The following TSPAN5 variants were observed in gnomAD, a reference collection of about 807,000 sequenced individuals.
TSPAN5 encodes the protein tetraspanin-5.
In TSPAN5, 10 loss-of-function variants were observed where a neutral mutation model predicts 37.1. The ratio of observed to expected loss-of-function variants is 0.27; its 90% CI spans 0.17 to 0.46. The LOEUF (loss-of-function observed/expected upper bound fraction) is 0.46. TSPAN5 is among the 20% of genes least tolerant of loss of function. The probability of loss-of-function intolerance (pLI) is 1.00; values close to 1 mark genes in which losing one functional copy is unlikely to be tolerated. For missense variants in TSPAN5, 195 were observed against 326.6 expected, an observed-to-expected ratio of 0.60 and a Z score of 3.11; for synonymous variants, 110 against 118.9, an observed-to-expected ratio of 0.93 and a Z score of 0.48.
At chr4:98,653,703 T>C (rs1208422381) in intron 1 of TSPAN5, among the ~76,000 whole-genome samples, 1 of 152,228 alleles carries the variant, frequency 6.6e-6, no homozygotes, top group East Asian at 1.9e-4. Context: ...ATTTGTTAAA[T>C]ATTGAGATAT....
intron 1 of TSPAN5, among the ~76,000 whole-genome samples, chr4:98,626,477 G>A (rs1756605303): frequency 6.6e-6 from 1 of 152,024 alleles, no homozygotes; most frequent in Admixed American, 6.6e-5. Context: ...CTCCCTCAGT[G>A]GCAACAAGCC....
At chr4:98,608,845 G>A (rs546343592) in intron 1 of TSPAN5, among the ~76,000 whole-genome samples, 42 of 151,996 alleles carry the variant, frequency 2.8e-4, no homozygotes, top group African/African-American at 4.3e-4. Flanking sequence ...CCTTATACTC[G>A]CCCTCAGAGA....
At chr4:98,494,951 G>A (rs923307954) in intron 2 of TSPAN5, among the ~76,000 whole-genome samples, 3 of 152,206 alleles carry the variant, frequency 2.0e-5, no homozygotes, top group African/African-American at 7.2e-5. Context: ...CCAGGAGTAG[G>A]CAGAAGCCAT....
chr4:98,578,763 T>C (rs980206080), intron 1 of TSPAN5, among the ~76,000 whole-genome samples: 46 of 152,140 alleles, frequency 3.0e-4, no homozygotes, highest in Admixed American at 8.5e-4. Context: ...AAATTGTCTT[T>C]GGCACTATTC....
At chr4:98,503,862 T>C (rs1753413217) in intron 2 of TSPAN5, among the ~76,000 whole-genome samples, 1 of 152,280 alleles carries the variant, frequency 6.6e-6, no homozygotes, top group African/African-American at 2.4e-5. Context: ...TCAAGGGTGT[T>C]GTGGAGGTGA....
intron 7 of TSPAN5, among the ~76,000 whole-genome samples, chr4:98,473,948 T>C (rs1277946523): frequency 6.6e-6 from 1 of 152,178 alleles, no homozygotes; most frequent in African/African-American, 2.4e-5. Context: ...TTGTTTGTCT[T>C]TTTATTGTTG....
chr4:98,581,541 G>T (rs906810352), intron 1 of TSPAN5, among the ~76,000 whole-genome samples: 1 of 152,062 alleles, frequency 6.6e-6, no homozygotes, highest in Non-Finnish European at 1.5e-5. Context: ...CCTCTGCAGG[G>T]TATTAATTAC....
intron 1 of TSPAN5, among the ~76,000 whole-genome samples, chr4:98,605,759 T>C (rs1756019758): frequency 6.6e-6 from 1 of 152,216 alleles, no homozygotes; most frequent in South Asian, 2.1e-4. Context: ...CATGTGGCTA[T>C]TTAAAATTCA....
At chr4:98,548,989 T>C (rs1365942189) in intron 1 of TSPAN5, among the ~76,000 whole-genome samples, 2 of 152,092 alleles carry the variant, frequency 1.3e-5, no homozygotes, top group Non-Finnish European at 2.9e-5. Context: ...ATCTTTGCTA[T>C]TGTGAACAGC....
intron 1 of TSPAN5, among the ~76,000 whole-genome samples, chr4:98,618,570 ACCT>A (rs5860544): frequency 0.53 from 80,859 of 151,542 alleles, 22,695 homozygotes; most frequent in African/African-American, 0.7. Context: ...CTCTGTTATT[ACCT>A]CCTCCTTTTT....
intron 1 of TSPAN5, among the ~76,000 whole-genome samples, chr4:98,598,050 G>T (rs1215742139): frequency 4.8e-5 from 4 of 84,182 alleles, no homozygotes; most frequent in Non-Finnish European, 6.2e-5. Flanking sequence ...TTGCCGCCTT[G>T]CAGTTTGATC....
At chr4:98,631,656 G>A (rs563593942) in intron 1 of TSPAN5, among the ~76,000 whole-genome samples, 33 of 152,248 alleles carry the variant, frequency 2.2e-4, no homozygotes, top group Middle Eastern at 3.4e-3. Flanking sequence ...TCTGTTTTAA[G>A]ACCTCAGGCT....
rs1483623356 is a variant in TSPAN5 at position 98,594,267 on chromosome 4, T to C, written c.81+63879A>G. 6.4e-5 allele frequency among the ~76,000 whole-genome samples: 8 copies of C among 125,766 alleles called. 1 individual carries two copies. Among genetic ancestry groups the C allele is most frequent in the Admixed American group, 1.6e-4 (2 of 12,716 alleles). The allele number at this position is 125,766 out of a possible 152,430, so 82.5% of individuals were successfully genotyped here. A position where few individuals can be genotyped will look rare whatever the true frequency, so the allele number is the denominator to read the frequency against. On this transcript the variant is annotated intron_variant, in intron 1 of 7. Transcript: ENST00000305798. ...TCTGTTGTTGGTGTATAAGAATGCT[T>C]GTGATTTTTGTACATTGATTTTGTA...
chr4:98,554,337 A>T (rs1334085651), intron 1 of TSPAN5, among the ~76,000 whole-genome samples: 2 of 152,228 alleles, frequency 1.3e-5, no homozygotes, highest in Admixed American at 6.5e-5. Flanking sequence ...TGAAAACATG[A>T]ACCTACTGAT....
rs369935390 is a variant in TSPAN5, at chr4:98,556,041, C to CCA, written c.82-48315_82-48314dup. 1.3e-3 allele frequency among the ~76,000 whole-genome samples: 129 copies of CCA among 101,634 alleles called. 24 individuals are homozygous for CCA. The highest frequency in any genetic ancestry group is 1.7e-3 in the Non-Finnish European group (93 of 53,946). The allele number at this position is 101,634 out of a possible 152,430, so 66.7% of individuals were successfully genotyped here. The stretch of plus-strand genomic sequence containing the variant: ...ACACACCCCCACACACACAGCACCC[C>CCA]CACACACACACACACACACACACAG... On this transcript the variant is annotated intron_variant, in intron 1 of 7. Transcript: ENST00000305798.
At chr4:98,514,521 A>G (rs1186779222) in intron 1 of TSPAN5, among the ~76,000 whole-genome samples, 1 of 152,210 alleles carries the variant, frequency 6.6e-6, no homozygotes, top group Non-Finnish European at 1.5e-5. Flanking sequence ...CCCGTGTCCC[A>G]GTTTGTACAT....
Position 98,507,748 on chromosome 4 carries a change from G to C in TSPAN5, c.82-20C>G. 6.3e-7 allele frequency: 1 copy of C among 1,591,616 alleles called. No homozygotes were observed. The highest frequency in any genetic ancestry group is 1.1e-5 in the South Asian group (1 of 88,426). On this transcript the variant is annotated intron_variant, in intron 1 of 7. Transcript: ENST00000305798. ...CAAAAACTGAAAAAGAAAGAAAGCAGTGTAAATATAAGGGAAAATGCCGCT... is the reference window on the plus strand; with the variant it reads ...CAAAAACTGAAAAAGAAAGAAAGCACTGTAAATATAAGGGAAAATGCCGCT...
At chr4:98,609,176 C>T (rs1287075022) in intron 1 of TSPAN5, among the ~76,000 whole-genome samples, 1 of 152,050 alleles carries the variant, frequency 6.6e-6, no homozygotes, top group Non-Finnish European at 1.5e-5. Flanking sequence ...ATTTTCAATC[C>T]CCACTGTAAC....
intron 1 of TSPAN5, among the ~76,000 whole-genome samples, chr4:98,519,670 A>G (rs1242495916): frequency 6.6e-6 from 1 of 152,240 alleles, no homozygotes; most frequent in Non-Finnish European, 1.5e-5. Context: ...CTAGAAGTGG[A>G]GAATATTTGG....
Sources: gnomAD v4.1 joint callset for allele counts (sites outside exome capture counted in the v4.1 genomes callset) on GRCh38, gnomAD v4.1.1 for gene constraint, MANE v1.5 for transcripts, NCBI Gene and HGNC (gene_info 2026-07-23, HGNC 2026-07-21) for gene names.